The following FANK1 variants were observed in gnomAD, a reference collection of about 807,000 sequenced individuals.
The protein encoded by FANK1 is fibronectin type III and ankyrin repeat domains 1.
FANK1 carries 44 observed loss-of-function variants against 45.3 expected under a neutral mutation model. That is an observed-to-expected ratio of 0.97 (90% CI 0.76 to 1.25). FANK1 has a LOEUF of 1.25. Ranked by LOEUF, FANK1 falls within the 50% of genes most tolerant of loss-of-function variation. The pLI is 0.00. For missense variants in FANK1, 391 were observed against 424.4 expected (o/e 0.92, Z 0.69); for synonymous variants, 149 against 152.5 (o/e 0.98, Z 0.17).
chr10:125,932,645 G>C (rs1252457258), intron 1 of FANK1, among the ~76,000 whole-genome samples: 2 of 152,164 alleles, frequency 1.3e-5, no homozygotes, highest in Non-Finnish European at 2.9e-5. Context: ...AAGGTAAACA[G>C]TCATATCATC....
intron 1 of FANK1, among the ~76,000 whole-genome samples, chr10:125,965,855 G>T (rs1408164711): frequency 6.6e-6 from 1 of 152,206 alleles, no homozygotes; most frequent in Non-Finnish European, 1.5e-5. Flanking sequence ...GGGTTTCCTT[G>T]TAGTTAAAAG....
chr10:125,943,953 G>A (rs540809422), intron 1 of FANK1, among the ~76,000 whole-genome samples: 1 of 152,334 alleles, frequency 6.6e-6, no homozygotes, highest in Admixed American at 6.5e-5. Context: ...TAATGTGAAA[G>A]CATTGTGGAA....
At chr10:125,915,639 T>C (rs1433957263) in intron 1 of FANK1, among the ~76,000 whole-genome samples, 2 of 152,184 alleles carry the variant, frequency 1.3e-5, no homozygotes, top group Non-Finnish European at 2.9e-5. Flanking sequence ...ACATAGACCC[T>C]GTCTCTACAA....
At chr10:125,925,456 G>T (rs188531230) in intron 1 of FANK1, among the ~76,000 whole-genome samples, 2 of 152,172 alleles carry the variant, frequency 1.3e-5, no homozygotes, top group Non-Finnish European at 2.9e-5. Context: ...TAGTGCAGGG[G>T]CTGTTCACAG....
chr10:125,918,486 C>T (rs1428841393), intron 1 of FANK1, among the ~76,000 whole-genome samples: 15 of 131,712 alleles, frequency 1.1e-4, no homozygotes, highest in African/African-American at 1.7e-4. Flanking sequence ...ACCCGGGAGG[C>T]GGAGTTTGCA....
At chr10:125,914,714 AG>A (rs1325749163) in intron 1 of FANK1, among the ~76,000 whole-genome samples, 12 of 152,290 alleles carry the variant, frequency 7.9e-5, no homozygotes, top group African/African-American at 2.9e-4. Flanking sequence ...GTTTTTGCTC[AG>A]ATATTGGCTC....
chr10:125,962,175 T>G (rs566476178), intron 1 of FANK1, among the ~76,000 whole-genome samples: 15 of 152,178 alleles, frequency 9.9e-5, no homozygotes, highest in Non-Finnish European at 2.2e-4. Context: ...GCATCTCTAC[T>G]CTGCTGTCAG....
At chr10:125,989,278 A>G in intron 3 of FANK1, 1 of 1,549,820 alleles carries the variant, frequency 6.5e-7, no homozygotes, top group Non-Finnish European at 8.7e-7. Context: ...ATCTATGTCC[A>G]GGGCCATCTC....
At chr10:125,908,156 G>A (rs112730516) in intron 1 of FANK1, among the ~76,000 whole-genome samples, 3 of 151,900 alleles carry the variant, frequency 2.0e-5, no homozygotes, top group Admixed American at 6.6e-5. Flanking sequence ...GCCACCACAC[G>A]CAGCTAATTT....
chr10:125,998,921 T>C (rs146272079), intron 6 of FANK1, among the ~76,000 whole-genome samples: 29 of 152,296 alleles, frequency 1.9e-4, no homozygotes, highest in Non-Finnish European at 3.5e-4. Flanking sequence ...GATAATAAAC[T>C]TGGGCTTTTC....
At chr10:125,991,345 CCTT>C (rs1951929158) in intron 3 of FANK1, among the ~76,000 whole-genome samples, 1 of 151,820 alleles carries the variant, frequency 6.6e-6, no homozygotes, top group Admixed American at 6.6e-5. Flanking sequence ...AGCCAGGAAG[CCTT>C]CTCAACCTCA....
chr10:125,986,010 G>A (rs1227120736), intron 2 of FANK1, among the ~76,000 whole-genome samples: 2 of 152,174 alleles, frequency 1.3e-5, no homozygotes, highest in African/African-American at 4.8e-5. Flanking sequence ...ACCCAGAGCT[G>A]TACAGATTCT....
chr10:125,936,916 A>G (rs1001452179), intron 1 of FANK1, among the ~76,000 whole-genome samples: 1 of 151,950 alleles, frequency 6.6e-6, no homozygotes, highest in Non-Finnish European at 1.5e-5. Flanking sequence ...AAAAATACAA[A>G]ATTAGCCAGG....
chr10:126,007,903 T>G (rs949227992), intron 7 of FANK1, among the ~76,000 whole-genome samples: 1 of 152,234 alleles, frequency 6.6e-6, no homozygotes, highest in Non-Finnish European at 1.5e-5. Flanking sequence ...GCACACTGTT[T>G]TGGAGAAGCC....
intron 1 of FANK1, among the ~76,000 whole-genome samples, chr10:125,912,878 G>A (rs561044366): frequency 2.0e-5 from 3 of 152,184 alleles, no homozygotes; most frequent in African/African-American, 7.2e-5. Flanking sequence ...CAAGTGATCC[G>A]CCCGTCTCGG....
At chr10:125,924,516 TGCTG>T (rs1947194700) in intron 1 of FANK1, among the ~76,000 whole-genome samples, 1 of 152,240 alleles carries the variant, frequency 6.6e-6, no homozygotes, top group Non-Finnish European at 1.5e-5. Flanking sequence ...CCTCCCAAAG[TGCTG>T]GGATTACAGG....
intron 6 of FANK1, among the ~76,000 whole-genome samples, chr10:126,003,777 G>C (rs1247962567): frequency 6.6e-6 from 1 of 152,082 alleles, no homozygotes; most frequent in East Asian, 1.9e-4. Context: ...CTGGGTTCAA[G>C]TGATTCTCCT....
At chr10:125,916,994 C>A (rs1306465806) in intron 1 of FANK1, among the ~76,000 whole-genome samples, 1 of 152,216 alleles carries the variant, frequency 6.6e-6, no homozygotes, top group Admixed American at 6.5e-5. Context: ...CTACGCTTAG[C>A]TCCTACCCCT....
chr10:125,980,348 G>C lies in FANK1; in HGVS notation c.191+10G>C, dbSNP rs1462346026. Reference sequence around the variant, plus strand: ...ATGGTATCATTTATACGTAGGTGCAGTGTTGAATTGCTTGCCACTTTGCCT... The same window carrying C: ...ATGGTATCATTTATACGTAGGTGCACTGTTGAATTGCTTGCCACTTTGCCT... On this transcript the variant is annotated intron_variant, in intron 2 of 10. Transcript: ENST00000368693. 2 of 1,602,766 alleles carry C rather than the reference G, an allele frequency of 1.2e-6. No individual in the cohort carries two copies. Among genetic ancestry groups the C allele is most frequent in the Non-Finnish European group, 1.7e-6 (2 of 1,175,560 alleles).
Sources: allele counts gnomAD v4.1 joint callset (sites outside exome capture counted in the v4.1 genomes callset), GRCh38; gene constraint gnomAD v4.1.1; transcripts MANE v1.5; gene names NCBI Gene and HGNC (gene_info 2026-07-23, HGNC 2026-07-21).